Variants in SGCZ observed in about 807,000 individuals in gnomAD.
SGCZ encodes the protein sarcoglycan zeta, also known as zeta-sarcoglycan.
Under a neutral mutation model 41.3 loss-of-function variants are expected in SGCZ, and 40 were observed. The observed-to-expected ratio is 0.97, with a 90% CI of 0.75 to 1.26. The LOEUF (loss-of-function observed/expected upper bound fraction) is 1.26. Among genes scored for constraint, SGCZ ranks in the 50% most tolerant of loss-of-function variants. SGCZ has a pLI of 0.00. For synonymous variants in SGCZ, 206 were observed against 137.5 expected (o/e 1.50, Z -3.49); for missense variants, 552 against 369.8 (o/e 1.49, Z -4.04).
At chr8:14,410,686 T>C (rs1013113146) in intron 2 of SGCZ, among the ~76,000 whole-genome samples, 1 of 152,066 alleles carries the variant, frequency 6.6e-6, no homozygotes, top group Non-Finnish European at 1.5e-5. Flanking sequence ...AGATGATGGG[T>C]TGATAGCTGC....
At chr8:15,181,680 A>G (rs780187076) in intron 1 of SGCZ, among the ~76,000 whole-genome samples, 6 of 152,216 alleles carry the variant, frequency 3.9e-5, no homozygotes, top group Non-Finnish European at 7.3e-5. Flanking sequence ...TAAAAAGCAG[A>G]TAACTTTTCG....
At chr8:15,108,704 G>A (rs557386810) in intron 1 of SGCZ, among the ~76,000 whole-genome samples, 20 of 152,162 alleles carry the variant, frequency 1.3e-4, no homozygotes, top group Non-Finnish European at 2.5e-4. Context: ...ACTCTATATC[G>A]AAGATATTTG....
At chr8:14,719,888 G>C (rs1229842375) in intron 1 of SGCZ, among the ~76,000 whole-genome samples, 2 of 152,002 alleles carry the variant, frequency 1.3e-5, no homozygotes, top group Non-Finnish European at 2.9e-5. Flanking sequence ...TTTGGCTTTT[G>C]TTGCCATTGC....
intron 2 of SGCZ, among the ~76,000 whole-genome samples, chr8:14,470,910 ACTTG>A (rs1801196431): frequency 6.6e-6 from 1 of 152,160 alleles, no homozygotes; most frequent in South Asian, 2.1e-4. Flanking sequence ...TAACAATTTT[ACTTG>A]CTTATCAGAT....
At chr8:14,250,785 C>T (rs549464474) in intron 3 of SGCZ, among the ~76,000 whole-genome samples, 1 of 152,202 alleles carries the variant, frequency 6.6e-6, no homozygotes, top group African/African-American at 2.4e-5. Context: ...CGCTCCTATG[C>T]ACCCAAGGCT....
intron 1 of SGCZ, among the ~76,000 whole-genome samples, chr8:14,637,935 G>C (rs1362200187): frequency 6.6e-6 from 1 of 151,856 alleles, no homozygotes; most frequent in Non-Finnish European, 1.5e-5. Context: ...CCTACCATCA[G>C]TGTGTAAGTG....
chr8:14,207,766 C>T (rs550815152), intron 4 of SGCZ, among the ~76,000 whole-genome samples: 2 of 152,262 alleles, frequency 1.3e-5, no homozygotes, highest in African/African-American at 4.8e-5. Flanking sequence ...CCTTCTACTA[C>T]AACTACCTAC....
chr8:14,385,125 C>T (rs1009165571), intron 2 of SGCZ, among the ~76,000 whole-genome samples: 5 of 151,962 alleles, frequency 3.3e-5, no homozygotes, highest in African/African-American at 1.2e-4. Flanking sequence ...TGGTTTGTAT[C>T]GTTTGGTGAT....
At chr8:14,809,423 C>T (rs1801672205) in intron 1 of SGCZ, among the ~76,000 whole-genome samples, 1 of 151,970 alleles carries the variant, frequency 6.6e-6, no homozygotes, top group African/African-American at 2.4e-5. Flanking sequence ...ATGAAATGGT[C>T]TTTGCCTTGT....
At chr8:14,263,286 T>G (rs1442489665) in intron 3 of SGCZ, among the ~76,000 whole-genome samples, 2 of 152,154 alleles carry the variant, frequency 1.3e-5, no homozygotes, top group African/African-American at 2.4e-5. Flanking sequence ...AAAGGCCTCA[T>G]GCCTGTAATC....
intron 3 of SGCZ, among the ~76,000 whole-genome samples, chr8:14,270,203 A>G (rs1158872827): frequency 6.6e-6 from 1 of 151,986 alleles, no homozygotes; most frequent in East Asian, 1.9e-4. Context: ...GTGGTGACCC[A>G]TGTCTGTAAT....
chr8:15,132,820 C>T (rs975424740), intron 1 of SGCZ, among the ~76,000 whole-genome samples: 1 of 152,162 alleles, frequency 6.6e-6, no homozygotes, highest in African/African-American at 2.4e-5. Flanking sequence ...CATACCATTG[C>T]TAAGACCTTC....
chr8:14,166,871 C>A (rs760783010), intron 4 of SGCZ, among the ~76,000 whole-genome samples: 2 of 151,898 alleles, frequency 1.3e-5, no homozygotes, highest in Non-Finnish European at 2.9e-5. Context: ...GGCAAATAAG[C>A]AAACAAGAAA....
chr8:14,623,491 T>C (rs898104907), intron 1 of SGCZ, among the ~76,000 whole-genome samples: 6 of 152,210 alleles, frequency 3.9e-5, no homozygotes, highest in East Asian at 1.9e-4. Context: ...GAAAAATTAA[T>C]ATATCCCGTG....
At chr8:14,670,787 A>C (rs1808077374) in intron 1 of SGCZ, among the ~76,000 whole-genome samples, 1 of 152,230 alleles carries the variant, frequency 6.6e-6, no homozygotes, top group Non-Finnish European at 1.5e-5. Flanking sequence ...AAAGATGATG[A>C]AACTGGGACC....
chr8:14,548,632 C>T (rs540810945), intron 2 of SGCZ, among the ~76,000 whole-genome samples: 32 of 152,170 alleles, frequency 2.1e-4, no homozygotes, highest in South Asian at 1.2e-3. Flanking sequence ...TAAAGTTTCT[C>T]CCATTTTCTA....
intron 4 of SGCZ, among the ~76,000 whole-genome samples, chr8:14,235,486 C>T (rs569215427): frequency 6.8e-4 from 103 of 152,230 alleles, no homozygotes; most frequent in African/African-American, 2.4e-3. Flanking sequence ...TTGGCAAATG[C>T]CAATATAACA....
chr8:14,954,848 A>G (rs530849069), intron 1 of SGCZ, among the ~76,000 whole-genome samples: 1 of 152,302 alleles, frequency 6.6e-6, no homozygotes, highest in South Asian at 2.1e-4. Flanking sequence ...TGCATAATAA[A>G]TGTGTGGACT....
intron 1 of SGCZ, among the ~76,000 whole-genome samples, chr8:14,992,621 TA>T (rs1454130647): frequency 1.3e-5 from 2 of 150,986 alleles, no homozygotes; most frequent in Non-Finnish European, 2.9e-5. Flanking sequence ...AAACCAGTGT[TA>T]CCCTTGATAT....
Sources: gnomAD v4.1 joint callset for allele counts (sites outside exome capture counted in the v4.1 genomes callset) on GRCh38, gnomAD v4.1.1 for gene constraint, MANE v1.5 for transcripts, NCBI Gene and HGNC (gene_info 2026-07-23, HGNC 2026-07-21) for gene names.